DSCC1: variants seen among roughly 807,000 people sequenced by gnomAD.
The protein encoded by DSCC1 is DNA replication and sister chromatid cohesion 1.
DSCC1 carries 32 observed loss-of-function variants against 48.2 expected under a neutral mutation model. That is an observed-to-expected ratio of 0.66 (90% CI 0.50 to 0.89). The LOEUF (loss-of-function observed/expected upper bound fraction) is 0.89. DSCC1 is among the 40% of genes least tolerant of loss of function. DSCC1 has a pLI of 0.00. For missense variants in DSCC1, 421 were observed against 471.7 expected, an observed-to-expected ratio of 0.89 and a Z score of 1.00; for synonymous variants, 150 against 171.5, an observed-to-expected ratio of 0.87 and a Z score of 0.98.
chr8:119,846,006 T>G (rs1453990953), intron 4 of DSCC1, among the ~76,000 whole-genome samples: 1 of 152,230 alleles, frequency 6.6e-6, no homozygotes, highest in South Asian at 2.1e-4. Context: ...TGCCATATGC[T>G]GTCACTAACT....
intron 4 of DSCC1, among the ~76,000 whole-genome samples, chr8:119,845,179 G>A (rs1194939792): frequency 2.0e-5 from 3 of 151,898 alleles, no homozygotes; most frequent in Admixed American, 6.6e-5. Context: ...TCCACCTCCC[G>A]GGTTCAAATG....
chr8:119,841,694 A>G (rs1826772081), intron 7 of DSCC1, 100 bp downstream of exon 7: 2 of 1,384,654 alleles, frequency 1.4e-6, no homozygotes, highest in Non-Finnish European at 2.0e-6. Flanking sequence ...ATGGGTGTCT[A>G]AGAAAAGAAA....
Position 119,834,428 on chromosome 8 carries a change from C to G in DSCC1, c.*465G>C, listed in dbSNP as rs72690115. 8.1e-4 allele frequency: 130 copies of G among 161,380 alleles called. 1 individual carries two copies. In the Middle Eastern group the frequency reaches 9.2e-3, roughly 11 times the overall value. 10.0% of individuals were successfully genotyped at this position (161,380 alleles called of 1,614,324 possible). The stretch of plus-strand genomic sequence containing the variant: ...CGATGGATATAAATAATTGATAGCA[C>G]CTAGAGGCTTCCAGTTTGGGTGGAA... On this transcript the variant is annotated 3_prime_UTR_variant, in exon 9 of 9. Coordinates refer to ENST00000313655, the MANE Select transcript of DSCC1 (RefSeq NM_024094.3).
intron 3 of DSCC1, among the ~76,000 whole-genome samples, chr8:119,849,573 G>A (rs6469853): frequency 0.68 from 103,929 of 152,088 alleles, 36,430 homozygotes; most frequent in African/African-American, 0.83. Flanking sequence ...TTTATTAGTG[G>A]TAGCCTAGGG....
chr8:119,842,514 C>T (rs1826788232), intron 6 of DSCC1, among the ~76,000 whole-genome samples: 1 of 151,950 alleles, frequency 6.6e-6, no homozygotes, highest in South Asian at 2.1e-4. Context: ...TCCTGAGTAG[C>T]TGGGACTACA....
Position 119,855,640 on chromosome 8 carries a change from C to CA in DSCC1, c.155dup (p.Cys53ValfsTer15). On this transcript the variant is annotated frameshift_variant, in exon 1 of 9. Coordinates refer to ENST00000313655, the MANE Select transcript of DSCC1 (RefSeq NM_024094.3). LOFTEE classifies it high-confidence loss of function. ...TGTGTCCATCCTCCAGCTGCTGGCA[C>CA]AGCGTGGGCTCCAGCTCCAGCAGGC... is the stretch of plus-strand genomic sequence containing the variant. The CA allele has an allele frequency of 6.5e-7, 1 of 1,546,452 alleles. No homozygotes were observed. Among genetic ancestry groups the CA allele is most frequent in the Non-Finnish European group, 8.7e-7 (1 of 1,146,386 alleles).
chr8:119,852,374 GAC>G (rs1335435591), intron 2 of DSCC1, among the ~76,000 whole-genome samples: 1 of 152,050 alleles, frequency 6.6e-6, no homozygotes, highest in African/African-American at 2.4e-5. Flanking sequence ...CTTTTTTGGA[GAC>G]AGAGTCTTGC....
chr8:119,839,496 C>T (rs1216265063), intron 7 of DSCC1: 1 of 152,278 alleles, frequency 6.6e-6, no homozygotes, highest in Non-Finnish European at 1.5e-5. Flanking sequence ...AGCCAGTACT[C>T]TCTTAGTTGG....
intron 5 of DSCC1, 66 bp from the exon 6 acceptor site, chr8:119,842,894 T>C (rs1433109219): frequency 3.1e-6 from 4 of 1,298,564 alleles, no homozygotes; most frequent in Non-Finnish European, 4.3e-6. Flanking sequence ...TTTAACCCCA[T>C]TGCCAACTCA....
At chr8:119,838,122 C>T in intron 8 of DSCC1, 137 bp downstream of exon 8, 1 of 880,150 alleles carries the variant, frequency 1.1e-6, no homozygotes, top group Non-Finnish European at 1.6e-6. Flanking sequence ...AAGACAGCCA[C>T]CACCTAAGAG....
chr8:119,855,870 C>T lies in DSCC1; in HGVS notation c.-75G>A. ...GGCGGGCAAGAAAGAAGTTCCCAAG[C>T]AGCCGGAAGGTAGGAAACCTGAGCG... On this transcript the variant is annotated 5_prime_UTR_variant, in exon 1 of 9. Coordinates refer to ENST00000313655, the MANE Select transcript of DSCC1 (RefSeq NM_024094.3). 3 of 1,395,620 alleles carry T rather than the reference C, an allele frequency of 2.1e-6. No homozygotes were observed. Among genetic ancestry groups the T allele is most frequent in the Non-Finnish European group, 2.8e-6 (3 of 1,073,376 alleles). The allele number at this position is 1,395,620 out of a possible 1,614,324, so 86.5% of individuals were successfully genotyped here.
intron 2 of DSCC1, among the ~76,000 whole-genome samples, chr8:119,850,761 T>A (rs1426818297): frequency 3.3e-5 from 5 of 152,086 alleles, no homozygotes; most frequent in African/African-American, 1.2e-4. Flanking sequence ...GAATGTCACA[T>A]CTCAAATGTA....
intron 2 of DSCC1, 110 bp from the exon 3 acceptor site, chr8:119,850,626 G>T: frequency 1.0e-6 from 1 of 979,026 alleles, no homozygotes; most frequent in Non-Finnish European, 1.4e-6. Flanking sequence ...GAAGCTCCAA[G>T]GTATTCTGCT....
At chr8:119,855,511 G>A (rs1442941152) in intron 1 of DSCC1, 103 bp downstream of exon 1, 1 of 1,421,746 alleles carries the variant, frequency 7.0e-7, no homozygotes, top group Non-Finnish European at 9.2e-7. Flanking sequence ...CCCCCGGCCA[G>A]GTCAGTGCAT....
intron 6 of DSCC1, among the ~76,000 whole-genome samples, chr8:119,842,293 C>G (rs1329831018): frequency 6.6e-6 from 1 of 151,924 alleles, no homozygotes; most frequent in Non-Finnish European, 1.5e-5. Context: ...AGGCTTGTCT[C>G]AAACTCCTGA....
intron 7 of DSCC1, 107 bp downstream of exon 7, chr8:119,841,687 G>T: frequency 8.0e-7 from 1 of 1,243,556 alleles, no homozygotes; most frequent in East Asian, 2.5e-5. Context: ...ACTCCTAATG[G>T]GTGTCTAAGA....
At position 119,834,299 on chromosome 8, in the gene DSCC1, G is replaced by C. The variant is rs1452635655; in HGVS notation, c.*594C>G. 1.3e-5 allele frequency: 2 copies of C among 152,280 alleles called. No homozygotes were observed. The highest frequency in any genetic ancestry group is 2.9e-5 in the Non-Finnish European group (2 of 68,102). 9.4% of individuals were successfully genotyped at this position (152,280 alleles called of 1,614,324 possible). On this transcript the variant is annotated 3_prime_UTR_variant, in exon 9 of 9. Coordinates refer to ENST00000313655, the MANE Select transcript of DSCC1 (RefSeq NM_024094.3). ...TGAAGTTTTCGAGTGAGCATTGCCT[G>C]TGCCAGTATTCTTCATTATAGGATT...
At chr8:119,848,045 G>A (rs1435416639) in intron 3 of DSCC1, among the ~76,000 whole-genome samples, 3 of 151,994 alleles carry the variant, frequency 2.0e-5, no homozygotes, top group Admixed American at 1.3e-4. Context: ...TGTGATCACG[G>A]CTCACTTACA....
At chr8:119,835,479 C>G (rs557963830) in intron 8 of DSCC1, among the ~76,000 whole-genome samples, 1 of 151,872 alleles carries the variant, frequency 6.6e-6, no homozygotes, top group East Asian at 1.9e-4. Flanking sequence ...TGCACTCCAG[C>G]CTGAGTGACA....
Sources: gnomAD v4.1 joint callset for allele counts (sites outside exome capture counted in the v4.1 genomes callset) on GRCh38, gnomAD v4.1.1 for gene constraint, MANE v1.5 for transcripts, NCBI Gene and HGNC (gene_info 2026-07-23, HGNC 2026-07-21) for gene names.